POLQ: variants seen among roughly 807,000 people sequenced by gnomAD.
The protein encoded by POLQ is DNA polymerase theta, also known as epididymis secretory sperm binding protein.
POLQ carries 233 observed loss-of-function variants against 259.2 expected under a neutral mutation model. That is an observed-to-expected ratio of 0.90 (90% CI 0.81 to 1.00). The LOEUF is 1.00. Among genes scored for constraint, POLQ ranks in the 50% least tolerant of loss-of-function variants. The pLI is 0.00. For synonymous variants in POLQ, 1,025 were observed against 1,048.8 expected, an observed-to-expected ratio of 0.98 and a Z score of 0.44; for missense variants, 2,871 against 3,051.6, an observed-to-expected ratio of 0.94 and a Z score of 1.39.
Position 121,455,269 on chromosome 3 carries a change from A to G in POLQ, c.7152+4781T>C, listed in dbSNP as rs1401460561. Among the ~76,000 whole-genome samples the G allele has an allele frequency of 2.8e-5, 4 of 144,244 alleles. No individual in the cohort carries two copies. In the East Asian group the frequency reaches 6.0e-4, roughly 22 times the overall value. The allele number at this position is 144,244 out of a possible 152,430, so 94.6% of individuals were successfully genotyped here. On this transcript the variant is annotated intron_variant, in intron 25 of 29. Coordinates refer to ENST00000264233, the MANE Select transcript of POLQ (RefSeq NM_199420.4). ...GAAATTTATAGCACTAAATGCCCAC[A>G]AGAGAAAGCAGGAAAGATCCAAAAT...
chr3:121,518,249 G>A (rs1235428263), intron 9 of POLQ, among the ~76,000 whole-genome samples: 1 of 152,074 alleles, frequency 6.6e-6, no homozygotes, highest in Non-Finnish European at 1.5e-5. Flanking sequence ...TTCTCCATAA[G>A]GCACATCACA....
At chr3:121,536,494 A>C (rs766759458) in intron 5 of POLQ, among the ~76,000 whole-genome samples, 1 of 152,180 alleles carries the variant, frequency 6.6e-6, no homozygotes, top group Non-Finnish European at 1.5e-5. Flanking sequence ...TTTTTTTCAA[A>C]ATTAGCCTGA....
At chr3:121,449,906 T>G (rs1368436092) in intron 25 of POLQ, among the ~76,000 whole-genome samples, 2 of 152,156 alleles carry the variant, frequency 1.3e-5, no homozygotes, top group Admixed American at 6.5e-5. Flanking sequence ...CCTCACCTCA[T>G]AGCCACCTAA....
rs774565525 is a variant in POLQ at position 121,487,410 on chromosome 3, T to C, written c.5521A>G (p.Ile1841Val). ...ASDQNLFQTF[I>V]KEWRCKKRFS... ...CGCTTTTTGCACCGCCACTCCTTAA[T>C]GAATGTTTGGAAAAGATTTTGGTCA... Residue 1841 changes from isoleucine (I) to valine (V), a missense_variant, in exon 16 of 30, where the codon ATT (isoleucine) becomes GTT (valine). Ile to Val is a conservative substitution (Grantham distance 29). Around this residue, in one of 3 missense-constraint regions of POLQ, gnomAD observed 2,080 missense variants for 2,126.0 expected, o/e 0.98. Transcript: ENST00000264233. 1.9e-6 allele frequency: 3 copies of C among 1,614,110 alleles called. No individual in the cohort carries two copies. Among genetic ancestry groups the C allele is most frequent in the East Asian group, 2.2e-5 (1 of 44,864 alleles).
Position 121,473,417 on chromosome 3 carries a change from C to G in POLQ, c.6476G>C (p.Gly2159Ala). The change falls in exon 21 of 30, where the codon GGT becomes GCT. Residue 2159 changes from glycine to alanine, a missense_variant. Gly to Ala is a moderately conservative substitution (Grantham distance 60). Transcript: ENST00000264233. ...MKNQGSKKTL[G>A]STRRGIDNGR... The stretch of plus-strand genomic sequence containing the variant: ...ATTGTCAATCCCTCTTCTGGTAGAA[C>G]CCAGAGTTTTCTTGCTGCCTTGGTT... 1 of 1,613,706 alleles carries G rather than the reference C, an allele frequency of 6.2e-7. No individual in the cohort carries two copies. Among genetic ancestry groups the G allele is most frequent in the Non-Finnish European group, 8.5e-7 (1 of 1,179,600 alleles).
intron 26 of POLQ, among the ~76,000 whole-genome samples, chr3:121,448,815 CA>C (rs893219281): frequency 1.1e-4 from 16 of 152,152 alleles, no homozygotes; most frequent in African/African-American, 3.9e-4. Context: ...ATGCATTTGT[CA>C]AAATTCACAG....
chr3:121,481,532 CTAATCTA>C, intron 19 of POLQ, 33 bp downstream of exon 19: 1 of 1,536,630 alleles, frequency 6.5e-7, no homozygotes, highest in Non-Finnish European at 8.8e-7. Flanking sequence ...ATCTCTATCT[CTAATCTA>C]TAACATAAAA....
chr3:121,432,267 C>T lies in POLQ; in HGVS notation c.*37G>A. ...TGTTCTTTCCAGGTGACTGCATCTG[C>T]ACAGGCTTCCCTGGGAGGACTTCAT... On this transcript the variant is annotated 3_prime_UTR_variant, in exon 30 of 30. Transcript: ENST00000264233. 6.4e-7 allele frequency: 1 copy of T among 1,563,114 alleles called. No homozygotes were observed. Among genetic ancestry groups the T allele is most frequent in the South Asian group, 1.2e-5 (1 of 82,102 alleles).
intron 7 of POLQ, 133 bp from the exon 8 acceptor site, chr3:121,522,282 ATCTTTTTTTTTTTTTTTT>A: frequency 4.0e-5 from 4 of 100,780 alleles, no homozygotes; most frequent in Non-Finnish European, 5.8e-5. Flanking sequence ...TCCCCTGGAG[ATCTTTTTTTTTTTTTTTT>A]TTTTTTTTTT....
chr3:121,449,542 T>G, intron 25 of POLQ, 116 bp from the exon 26 acceptor site: 1 of 693,352 alleles, frequency 1.4e-6, no homozygotes, highest in East Asian at 2.5e-5. Context: ...GAAACAATGA[T>G]TAGATTGCTT....
At chr3:121,481,939 G>T (rs2047974762) in intron 18 of POLQ, 127 bp from the exon 19 acceptor site, 1 of 851,326 alleles carries the variant, frequency 1.2e-6, no homozygotes, top group Admixed American at 2.7e-5. Context: ...TATTTATTCA[G>T]TGGTCTTCCC....
Position 121,467,598 on chromosome 3 carries a change from C to T in POLQ, c.6888G>A (p.Gln2296=), listed in dbSNP as rs1321971093. The change falls in exon 24 of 30, where the codon CAG becomes CAA. Residue 2296 remains glutamine, a synonymous_variant. Transcript: ENST00000264233. ...KKGFSVNPRC[Q]AQMEERAADR... ...CTGCAGCTCTCTCCTCCATCTGTGC[C>T]TGGCATCTAGGATTCACGCTGAAAC... 6.2e-7 allele frequency: 1 copy of T among 1,613,760 alleles called. No homozygotes were observed. The highest frequency in any genetic ancestry group is 2.2e-5 in the East Asian group (1 of 44,900).
chr3:121,439,603 A>C (rs1171141726), intron 27 of POLQ, among the ~76,000 whole-genome samples: 1 of 152,216 alleles, frequency 6.6e-6, no homozygotes, highest in African/African-American at 2.4e-5. Context: ...TGACTGGCTA[A>C]TCTCTGAGGA....
At chr3:121,464,899 A>G (rs2047822866) in intron 24 of POLQ, among the ~76,000 whole-genome samples, 1 of 152,154 alleles carries the variant, frequency 6.6e-6, no homozygotes, top group African/African-American at 2.4e-5. Context: ...AACTTGTAAT[A>G]ATGAGTAACA....
At chr3:121,534,097 C>T (rs1323716448) in intron 5 of POLQ, among the ~76,000 whole-genome samples, 2 of 151,806 alleles carry the variant, frequency 1.3e-5, no homozygotes, top group South Asian at 2.1e-4. Flanking sequence ...AGGATGGTCT[C>T]GATCTCCTGA....
At chr3:121,493,430 ATTT>A (rs11351457) in intron 15 of POLQ, 45 bp downstream of exon 15, 1 of 1,343,584 alleles carries the variant, frequency 7.4e-7, no homozygotes, top group Non-Finnish European at 1.0e-6. Context: ...TAAAATTGAC[ATTT>A]TTTTTTTATT....
intron 5 of POLQ, among the ~76,000 whole-genome samples, 195 bp from the exon 6 acceptor site, chr3:121,533,404 C>T (rs1265724269): frequency 6.6e-6 from 1 of 152,190 alleles, no homozygotes; most frequent in African/African-American, 2.4e-5. Flanking sequence ...GATAATCCCA[C>T]ATTGTTTTCC....
Position 121,487,644 on chromosome 3 carries a change from T to A in POLQ, c.5287A>T (p.Asn1763Tyr), listed in dbSNP as rs1458677968. 6.2e-7 allele frequency: 1 copy of A among 1,613,280 alleles called. No individual in the cohort carries two copies. The highest frequency in any genetic ancestry group is 1.3e-5 in the African/African-American group (1 of 74,910). Residue 1763 changes from asparagine (N) to tyrosine (Y), a missense_variant, in exon 16 of 30, where the codon AAT becomes TAT. By Grantham distance (143) the Asn-to-Tyr change is moderately radical (BLOSUM62 -2). Around this residue, in one of 3 missense-constraint regions of POLQ, gnomAD observed 2,080 missense variants for 2,126.0 expected, o/e 0.98. Coordinates refer to ENST00000264233, the MANE Select transcript of POLQ (RefSeq NM_199420.4). ...LETPVNPWKT[N>Y]NVLQPGESYL... ...CTTTCACCAGGTTGTAAAACATTATTAGTTTTCCAAGGGTTTACAGGTGTT... is the reference window on the plus strand; with the variant it reads ...CTTTCACCAGGTTGTAAAACATTATAAGTTTTCCAAGGGTTTACAGGTGTT...
intron 25 of POLQ, among the ~76,000 whole-genome samples, chr3:121,458,651 C>T (rs2047764114): frequency 6.6e-6 from 1 of 152,140 alleles, no homozygotes; most frequent in African/African-American, 2.4e-5. Flanking sequence ...AGGGATTAAA[C>T]AGACAGAGAG....
Sources: allele counts gnomAD v4.1 joint callset (sites outside exome capture counted in the v4.1 genomes callset), GRCh38; gene constraint gnomAD v4.1.1; regional missense constraint gnomAD v4.1.1; transcripts MANE v1.5; gene names NCBI Gene and HGNC (gene_info 2026-07-23, HGNC 2026-07-21).